Variants in STAG1 observed in about 807,000 individuals in gnomAD.
STAG1 encodes STAG1 cohesin complex component.
STAG1 carries 26 observed loss-of-function variants against 170.9 expected under a neutral mutation model. The ratio of observed to expected loss-of-function variants is 0.15; its 90% CI spans 0.11 to 0.21. STAG1 has a LOEUF of 0.21. Among genes scored for constraint, STAG1 ranks in the 10% least tolerant of loss-of-function variants. The pLI, the probability that STAG1 is intolerant of heterozygous loss-of-function variation, is 1.00. For synonymous variants in STAG1, 514 were observed against 497.7 expected (o/e 1.03, Z -0.44); for missense variants, 964 against 1,509.5 (o/e 0.64, Z 5.99).
intron 4 of STAG1, among the ~76,000 whole-genome samples, chr3:136,578,834 T>C (rs1352503308): frequency 6.6e-6 from 1 of 152,150 alleles, no homozygotes; most frequent in Non-Finnish European, 1.5e-5. Context: ...ACTTCCAGAA[T>C]GTGTAATTGG....
intron 23 of STAG1, among the ~76,000 whole-genome samples, chr3:136,369,726 T>C (rs898813146): frequency 1.4e-4 from 21 of 152,216 alleles, no homozygotes; most frequent in African/African-American, 5.1e-4. Context: ...TAATTCAACA[T>C]AGTATAATGA....
chr3:136,400,517 G>A (rs565868473), intron 21 of STAG1, among the ~76,000 whole-genome samples: 1 of 151,592 alleles, frequency 6.6e-6, no homozygotes, highest in Non-Finnish European at 1.5e-5. Context: ...CACCACGCCC[G>A]GCCGCAACAT....
At chr3:136,605,187 T>A (rs570380780) in intron 3 of STAG1, among the ~76,000 whole-genome samples, 2 of 152,342 alleles carry the variant, frequency 1.3e-5, no homozygotes, top group South Asian at 4.1e-4. Context: ...TCTGGAACTA[T>A]TTCAGGTACT....
intron 6 of STAG1, among the ~76,000 whole-genome samples, chr3:136,533,086 C>G (rs1935457335): frequency 6.6e-6 from 1 of 151,944 alleles, no homozygotes; most frequent in Non-Finnish European, 1.5e-5. Flanking sequence ...ATTTTTTCAA[C>G]ATATAAAAAT....
intron 6 of STAG1, among the ~76,000 whole-genome samples, chr3:136,531,140 C>T (rs1399501985): frequency 1.3e-5 from 2 of 151,584 alleles, no homozygotes; most frequent in Non-Finnish European, 2.9e-5. Context: ...ATTTATGCAG[C>T]CAAAAAACAC....
chr3:136,467,375 C>T (rs1028603201), intron 12 of STAG1, among the ~76,000 whole-genome samples: 14 of 152,064 alleles, frequency 9.2e-5, no homozygotes, highest in Non-Finnish European at 2.1e-4. Flanking sequence ...TCTGATAAAA[C>T]AGACTTTAAA....
At chr3:136,506,832 T>G (rs1933795006) in intron 7 of STAG1, among the ~76,000 whole-genome samples, 1 of 152,254 alleles carries the variant, frequency 6.6e-6, no homozygotes, top group East Asian at 1.9e-4. Flanking sequence ...AAGACACTGG[T>G]ATTCAGAACC....
intron 12 of STAG1, among the ~76,000 whole-genome samples, chr3:136,472,029 G>C (rs192314620): frequency 2.6e-5 from 4 of 151,904 alleles, no homozygotes; most frequent in Non-Finnish European, 4.4e-5. Context: ...GTAGAGACAG[G>C]GTCTCCCCTT....
At position 136,474,773 on chromosome 3, in the gene STAG1, T is replaced by A. The variant is rs1301450155; in HGVS notation, c.1027-1136A>T. ...GATGCCCTACCCAGGTCCCCTTTAC[T>A]GGGCTAATTCTTCAGTGTCTGCCAG... On this transcript the variant is annotated intron_variant, in intron 10 of 33. Coordinates refer to ENST00000383202, the MANE Select transcript of STAG1 (RefSeq NM_005862.3). 1.3e-5 allele frequency among the ~76,000 whole-genome samples: 2 copies of A among 152,234 alleles called. 1 individual carries two copies. The highest frequency in any genetic ancestry group is 2.9e-5 in the Non-Finnish European group (2 of 68,036).
intron 12 of STAG1, among the ~76,000 whole-genome samples, chr3:136,470,057 T>C (rs889371541): frequency 2.6e-5 from 4 of 152,140 alleles, no homozygotes; most frequent in African/African-American, 9.7e-5. Context: ...GGCAATACCA[T>C]TCAGGACATA....
intron 21 of STAG1, among the ~76,000 whole-genome samples, chr3:136,417,127 C>T (rs1002349364): frequency 1.3e-5 from 2 of 152,040 alleles, no homozygotes; most frequent in Non-Finnish European, 2.9e-5. Flanking sequence ...GAATTATAGG[C>T]GTGAACCACT....
intron 4 of STAG1, among the ~76,000 whole-genome samples, chr3:136,597,707 G>A (rs761365728): frequency 2.6e-5 from 4 of 151,676 alleles, no homozygotes; most frequent in Non-Finnish European, 4.4e-5. Context: ...AACAGTCTAC[G>A]GTTTCTCTTG....
intron 3 of STAG1, among the ~76,000 whole-genome samples, chr3:136,608,797 C>CAA (rs34993713): frequency 0.019 from 1,500 of 78,938 alleles, 45 homozygotes; most frequent in African/African-American, 0.066. Context: ...GACCCTATCT[C>CAA]AAAAAAAAAA....
intron 9 of STAG1, among the ~76,000 whole-genome samples, chr3:136,486,923 C>T (rs1023469277): frequency 1.4e-5 from 2 of 141,176 alleles, no homozygotes; most frequent in Admixed American, 1.6e-4. Context: ...GTTGTTTCAC[C>T]AACTAGACTA....
At chr3:136,422,741 T>G in intron 18 of STAG1, 27 bp downstream of exon 18, 1 of 1,553,988 alleles carries the variant, frequency 6.4e-7, no homozygotes, top group Non-Finnish European at 8.7e-7. Context: ...CTATAACAGC[T>G]GAATTTCAAT....
At chr3:136,462,556 G>C (rs2089304180) in intron 13 of STAG1, among the ~76,000 whole-genome samples, 1 of 152,148 alleles carries the variant, frequency 6.6e-6, no homozygotes, top group South Asian at 2.1e-4. Context: ...GTTGGTTAAT[G>C]GGTTCAAAAA....
rs1265060067 is a variant in STAG1, at chr3:136,417,648, C to T, written c.2196+237G>A. On this transcript the variant is annotated intron_variant, in intron 21 of 33. Coordinates refer to ENST00000383202, the MANE Select transcript of STAG1 (RefSeq NM_005862.3). The stretch of plus-strand genomic sequence containing the variant: ...ATTTCTCCTAATAGAGAAAAGTCTA[C>T]CTTAACAGTAAAATTTTTAAGATAT... The T allele has an allele frequency of 3.5e-5, 14 of 404,044 alleles. No homozygotes were observed. The East Asian group carries it at 6.2e-4, about 18-fold the overall frequency. The allele number at this position is 404,044 out of a possible 1,614,324, so 25.0% of individuals were successfully genotyped here.
At chr3:136,706,672 A>C (rs6764567) in intron 1 of STAG1, among the ~76,000 whole-genome samples, 99,786 of 152,014 alleles carry the variant, frequency 0.66, 35,074 homozygotes, top group African/African-American at 0.9. Flanking sequence ...CAACCCCTAT[A>C]AAAATTCCAA....
At chr3:136,609,712 T>G (rs1576663580) in intron 3 of STAG1, 1 of 170,914 alleles carries the variant, frequency 5.9e-6, no homozygotes, top group Non-Finnish European at 1.2e-5. Context: ...TCTAGAAACA[T>G]TTTTAAGAAG....
Sources: allele counts gnomAD v4.1 joint callset (sites outside exome capture counted in the v4.1 genomes callset), GRCh38; gene constraint gnomAD v4.1.1; transcripts MANE v1.5; gene names NCBI Gene and HGNC (gene_info 2026-07-23, HGNC 2026-07-21).